The following DNMT1 variants were observed in gnomAD, a reference collection of about 807,000 sequenced individuals.
DNMT1 encodes the protein DNA (cytosine-5)-methyltransferase 1.
A neutral mutation model predicts 205.3 loss-of-function variants in DNMT1; 24 were observed. The ratio of observed to expected loss-of-function variants is 0.12; its 90% CI spans 0.08 to 0.16. The LOEUF is 0.16. Ranked by LOEUF, DNMT1 falls within the 10% of genes least tolerant of loss-of-function variation. The pLI, the probability that DNMT1 is intolerant of heterozygous loss-of-function variation, is 1.00. For synonymous variants in DNMT1, 817 were observed against 839.8 expected (o/e 0.97, Z 0.47); for missense variants, 1,293 against 2,177.7 (o/e 0.59, Z 8.09).
intron 9 of DNMT1, 46 bp from the exon 10 acceptor site, chr19:10,168,410 T>C: frequency 6.3e-7 from 1 of 1,597,648 alleles, no homozygotes; most frequent in East Asian, 2.2e-5. Flanking sequence ...CCATTTGGTT[T>C]GGATCTTTCT....
In DNMT1 at chr19:10,168,355, T is replaced by G; in HGVS notation, c.778A>C (p.Arg260=). The G allele has an allele frequency of 6.2e-7, 1 of 1,614,176 alleles. No individual in the cohort carries two copies. The highest frequency in any genetic ancestry group is 8.5e-7 in the Non-Finnish European group (1 of 1,180,008). The change falls in exon 10 of 41, where the codon AGA becomes CGA. Residue 260 remains arginine, a synonymous_variant. Transcript: ENST00000359526. ...EEERDEKEEK[R]LRSQTKEPTP... is the part of the protein sequence containing the mutation. ...GGTTCTTTGGTTTGACTTCGGAGTC[T>G]CTTTTCTTCCTAAGTTGCAGGGAAA...
At chr19:10,176,726 C>T (rs749512052) in intron 6 of DNMT1, among the ~76,000 whole-genome samples, 6 of 152,014 alleles carry the variant, frequency 3.9e-5, no homozygotes, top group African/African-American at 9.7e-5. Flanking sequence ...GGCGTGGCGG[C>T]GCGCGCCTGT....
intron 1 of DNMT1, among the ~76,000 whole-genome samples, chr19:10,192,032 C>T (rs1426086356): frequency 6.6e-6 from 1 of 152,030 alleles, no homozygotes; most frequent in Non-Finnish European, 1.5e-5. Flanking sequence ...CCACGTTGGC[C>T]AGGCTGGTCT....
In DNMT1 at chr19:10,137,914, T is replaced by C; in HGVS notation, c.4211A>G (p.Tyr1404Cys). 1.2e-6 allele frequency: 2 copies of C among 1,613,192 alleles called. No homozygotes were observed. The highest frequency in any genetic ancestry group is 2.2e-5 in the East Asian group (1 of 44,856). Reference sequence around the variant, plus strand: ...GAACCAGGACTGAGGCTCCCCGTTGTAGGAGATCTCCAGTGCCGAGGCTCC... The same window carrying C: ...GAACCAGGACTGAGGCTCCCCGTTGCAGGAGATCTCCAGTGCCGAGGCTCC... ...RNGASALEIS[Y>C]NGEPQSWFQR... The change falls in exon 36 of 41, where the codon TAC becomes TGC. Residue 1404 changes from tyrosine to cysteine, a missense_variant. Physicochemically the swap from Tyr to Cys is radical, Grantham distance 194. This residue lies in a region of DNMT1 where 148 missense variants were observed against 256.1 expected (regional missense o/e 0.58). Transcript: ENST00000359526. The surrounding 1 kb of genome is among the most constrained non-coding windows in gnomAD (Gnocchi z 6.4).
chr19:10,141,256 T>TA, intron 30 of DNMT1, 67 bp from the exon 31 acceptor site: 1 of 1,519,728 alleles, frequency 6.6e-7, no homozygotes, highest in Non-Finnish European at 9.1e-7. Flanking sequence ...CGCAGACTAG[T>TA]AAGAAGGCAA....
intron 1 of DNMT1, among the ~76,000 whole-genome samples, chr19:10,183,125 A>ATATACGTGTATATATATATATAT (rs767124770): frequency 2.6e-5 from 3 of 117,482 alleles, no homozygotes; most frequent in East Asian, 3.8e-4. Context: ...ATATATATAT[A>ATATACGTGTATATATATATATAT]TTTTTTTTTT....
intron 29 of DNMT1, chr19:10,142,733 A>AG (rs2145272497): frequency 6.2e-6 from 1 of 162,114 alleles, no homozygotes; most frequent in African/African-American, 2.4e-5. Context: ...AGGGAACCGC[A>AG]GGTAAAGATA....
chr19:10,182,713 A>C (rs778966564), intron 1 of DNMT1, among the ~76,000 whole-genome samples: 1 of 151,676 alleles, frequency 6.6e-6, no homozygotes, highest in African/African-American at 2.4e-5. Flanking sequence ...TCTGTTGCCC[A>C]GGCTGGAGTG....
Position 10,159,567 on chromosome 19 carries a change from TA to T in DNMT1, c.1280+90del. The T allele has an allele frequency of 3.0e-6, 4 of 1,339,588 alleles. No homozygotes were observed. The highest frequency in any genetic ancestry group is 1.4e-5 in the African/African-American group (1 of 69,530). 83.0% of individuals were successfully genotyped at this position (1,339,588 alleles called of 1,614,324 possible). ...TTAAGACATGTTGCAGGTCAGGCAC[TA>T]AAAAACATCACCAGAATCGTGAGCC... On this transcript the variant is annotated intron_variant, in intron 17 of 40. Transcript: ENST00000359526. The surrounding 1 kb of genome is among the most constrained non-coding windows in gnomAD (Gnocchi z 5.0).
In DNMT1 at chr19:10,137,471, G is replaced by T; in HGVS notation, c.4294-191C>A. On this transcript the variant is annotated intron_variant, in intron 36 of 40. Transcript: ENST00000359526. This position sits in a 1 kb window ranked among gnomAD's most constrained non-coding sequence, Gnocchi z 6.4. The stretch of plus-strand genomic sequence containing the variant: ...AGGGACCTGAGGCAGCGCAGGTGTA[G>T]GAGAGCGTGGGAATCTAAGCTGAGC... The T allele has an allele frequency of 1.4e-6, 1 of 698,012 alleles. No homozygotes were observed. The highest frequency in any genetic ancestry group is 2.4e-6 in the Non-Finnish European group (1 of 418,462). The allele number at this position is 698,012 out of a possible 1,614,324, so 43.2% of individuals were successfully genotyped here. A position where few individuals can be genotyped will look rare whatever the true frequency, so the allele number is the denominator to read the frequency against.
chr19:10,152,324 G>A (rs191544064), intron 22 of DNMT1, among the ~76,000 whole-genome samples: 5 of 149,296 alleles, frequency 3.3e-5, no homozygotes, highest in East Asian at 2.0e-4. Context: ...TGAAACAAAC[G>A]GTGAATTAAG....
rs559608140 is a variant in DNMT1 at position 10,133,752 on chromosome 19, C to T, written c.4865-51G>A. The T allele has an allele frequency of 1.6e-5, 25 of 1,550,336 alleles. No homozygotes were observed. Among genetic ancestry groups the T allele is most frequent in the East Asian group, 4.8e-5 (2 of 41,698 alleles). ...ACTCTGGGGAACACGCCCGGTGTCA[C>T]GCCACTTGACAGGCGAGTAACAGAC... On this transcript the variant is annotated intron_variant, in intron 40 of 40. Transcript: ENST00000359526. The surrounding 1 kb of genome is among the most constrained non-coding windows in gnomAD (Gnocchi z 4.1).
rs761717775 is a variant in DNMT1 at position 10,149,002 on chromosome 19, C to T, written c.2602G>A (p.Glu868Lys). Residue 868 changes from glutamate to lysine, a missense_variant, in exon 27 of 41, where the codon GAG becomes AAG. By Grantham distance (56) the Glu-to-Lys change is moderately conservative. This residue lies in a region of DNMT1 where 112 missense variants were observed against 116.6 expected (regional missense o/e 0.96). Transcript: ENST00000359526. The part of the protein sequence containing the change: ...NWAMEGGMDP[E>K]SLLEGDDGKT... ...CCGTCGTCCCCCTCCAGCAGGGACT[C>T]GGGATCCATGCCTCCCTTGGGAGAT... 8 of 1,613,988 alleles carry T rather than the reference C, an allele frequency of 5.0e-6. No individual in the cohort carries two copies. The highest frequency in any genetic ancestry group is 3.3e-5 in the South Asian group (3 of 91,082).
At chr19:10,173,681 G>A (rs966039892) in intron 8 of DNMT1, among the ~76,000 whole-genome samples, 190 bp downstream of exon 8, 6 of 151,832 alleles carry the variant, frequency 4.0e-5, no homozygotes, top group South Asian at 2.1e-4. Flanking sequence ...TAGTAGAGAC[G>A]GGGTTTCGCC....
intron 1 of DNMT1, among the ~76,000 whole-genome samples, chr19:10,189,611 G>A (rs1253968272): frequency 6.6e-6 from 1 of 151,274 alleles, no homozygotes; most frequent in Non-Finnish European, 1.5e-5. Flanking sequence ...GATGGGGGGG[G>A]TCTTCCTATG....
Position 10,162,862 on chromosome 19 carries a change from G to A in DNMT1, c.927-114C>T, listed in dbSNP as rs151298589. On this transcript the variant is annotated intron_variant, in intron 12 of 40. Transcript: ENST00000359526. ...CCCCATGGGAAAGCAAGATACCCAT[G>A]GGAGCTCTATAGGCACACTGCCAGC... 9.4e-4 allele frequency: 1,112 copies of A among 1,178,460 alleles called. 2 individuals are homozygous for A. The highest frequency in any genetic ancestry group is 1.3e-3 in the Non-Finnish European group (1,033 of 805,474). The allele number at this position is 1,178,460 out of a possible 1,614,324, so 73.0% of individuals were successfully genotyped here.
intron 27 of DNMT1, 27 bp downstream of exon 27, chr19:10,148,857 G>T: frequency 6.2e-7 from 1 of 1,614,006 alleles, no homozygotes; most frequent in South Asian, 1.1e-5. Flanking sequence ...AGTGCCTGCT[G>T]ACCCCGAGTC....
chr19:10,171,965 C>G (rs994615113), intron 9 of DNMT1, among the ~76,000 whole-genome samples: 14 of 151,394 alleles, frequency 9.2e-5, no homozygotes, highest in African/African-American at 3.4e-4. Flanking sequence ...CAAGATCGCA[C>G]CTCTGCACTC....
Position 10,146,361 on chromosome 19 carries a change from A to T in DNMT1, c.2884T>A (p.Phe962Ile), listed in dbSNP as rs780533354. The T allele has an allele frequency of 1.9e-6, 3 of 1,613,864 alleles. No individual in the cohort carries two copies. The South Asian group carries it at 3.3e-5, about 18-fold the overall frequency. ...GDGVYLPPEA[F>I]TFNIKLSSPV... The stretch of plus-strand genomic sequence containing the variant: ...CGAGGGGGCACTTACTTGAACGTGA[A>T]GGCCTCAGGGGGCAGGTACACACCA... Residue 962 changes from phenylalanine to isoleucine, a missense_variant, in exon 28 of 41, where the codon TTC (phenylalanine) becomes ATC (isoleucine). By Grantham distance (21) the Phe-to-Ile change is conservative. Transcript: ENST00000359526. This position sits in a 1 kb window ranked among gnomAD's most constrained non-coding sequence, Gnocchi z 4.4.
Sources: allele counts gnomAD v4.1 joint callset (sites outside exome capture counted in the v4.1 genomes callset), GRCh38; gene constraint gnomAD v4.1.1; regional missense constraint gnomAD v4.1.1; non-coding constraint Gnocchi (gnomAD v3.1); transcripts MANE v1.5; gene names NCBI Gene and HGNC (gene_info 2026-07-23, HGNC 2026-07-21).